The following THOC2 variants were observed in gnomAD, a reference collection of about 807,000 sequenced individuals.
THOC2 encodes the protein THO complex 2.
Under a neutral mutation model 128.4 loss-of-function variants are expected in THOC2, and 10 were observed. The ratio of observed to expected loss-of-function variants is 0.08; its 90% CI spans 0.05 to 0.13. THOC2 has a LOEUF of 0.13. THOC2 is among the 10% of genes least tolerant of loss of function. THOC2 has a pLI of 1.00. For synonymous variants in THOC2, 393 were observed against 396.9 expected, an observed-to-expected ratio of 0.99 and a Z score of 0.12; for missense variants, 535 against 1,155.7, an observed-to-expected ratio of 0.46 and a Z score of 7.79.
intron 33 of THOC2, among the ~76,000 whole-genome samples, chrX:123,618,087 C>T (rs1217776450): frequency 9.0e-6 from 1 of 111,165 alleles, no homozygotes; most frequent in Non-Finnish European, 1.9e-5. Context: ...TTTGTAACTC[C>T]TACTAGGTAT....
intron 8 of THOC2, among the ~76,000 whole-genome samples, chrX:123,681,377 G>C (rs185868290): frequency 1.8e-5 from 2 of 110,142 alleles, no homozygotes; most frequent in African/African-American, 6.6e-5. Flanking sequence ...AAGGTGGTGG[G>C]GGGGTGGGGG....
In THOC2 at chrX:123,613,436, G is replaced by A; in HGVS notation, c.4640C>T (p.Ser1547Phe). The change falls in exon 36 of 39, where the codon TCT becomes TTT. Residue 1547 changes from serine to phenylalanine, a missense_variant. Physicochemically the swap from Ser to Phe is radical, Grantham distance 155. Coordinates refer to ENST00000245838, the MANE Select transcript of THOC2 (RefSeq NM_001081550.2). ...GGAGGAGATTTTATCCATCTTCTCA[G>A]ATTTAAATGAATCACTGCCTTTTTC... ...GKEKGSDSFK[S>F]EKMDKISSGG... is the part of the protein sequence containing the mutation. 1 of 1,208,918 alleles carries A rather than the reference G, an allele frequency of 8.3e-7. No homozygotes were observed. The highest frequency in any genetic ancestry group is 1.1e-6 in the Non-Finnish European group (1 of 893,924).
At chrX:123,631,470 G>A (rs984876706) in intron 22 of THOC2, among the ~76,000 whole-genome samples, 10 of 111,953 alleles carry the variant, frequency 8.9e-5, no homozygotes, top group African/African-American at 3.2e-4. Context: ...ACTAACAGCA[G>A]ATGTTTGATT....
At chrX:123,630,128 G>GT (rs1477279658) in intron 22 of THOC2, among the ~76,000 whole-genome samples, 2 of 111,842 alleles carry the variant, frequency 1.8e-5, no homozygotes, top group Admixed American at 9.4e-5. Context: ...GCTATACTTC[G>GT]TATTTACCCA....
chrX:123,727,748 A>G (rs999565704), intron 1 of THOC2, among the ~76,000 whole-genome samples: 2 of 112,074 alleles, frequency 1.8e-5, no homozygotes, highest in African/African-American at 6.5e-5. Flanking sequence ...ACCACCTTAC[A>G]TGCCACCACG....
At chrX:123,629,409 T>A (rs1189622569) in intron 22 of THOC2, among the ~76,000 whole-genome samples, 1 of 110,440 alleles carries the variant, frequency 9.1e-6, no homozygotes, top group Non-Finnish European at 1.9e-5. Context: ...CGTTAGAAAA[T>A]CACTTAAATC....
chrX:123,696,912 T>C, intron 5 of THOC2, 70 bp from the exon 6 acceptor site: 3 of 803,971 alleles, frequency 3.7e-6, no homozygotes, highest in Non-Finnish European at 5.0e-6. Context: ...ATATTCAAAC[T>C]AAAGCTTCCT....
chrX:123,718,483 G>T (rs1386072157), intron 1 of THOC2, among the ~76,000 whole-genome samples: 1 of 111,570 alleles, frequency 9.0e-6, no homozygotes, highest in African/African-American at 3.3e-5. Flanking sequence ...CAGGAGGCCG[G>T]GTGCAGTGGC....
At chrX:123,622,689 T>A (rs1257270809) in intron 30 of THOC2, 69 bp downstream of exon 30, 1 of 837,720 alleles carries the variant, frequency 1.2e-6, no homozygotes, top group African/African-American at 2.1e-5. Context: ...CAACCCCGTC[T>A]CAAAAAAATA....
intron 12 of THOC2, among the ~76,000 whole-genome samples, chrX:123,657,960 CGTGTGTGTGTGTGT>C (rs60969537): frequency 1.2e-3 from 111 of 94,811 alleles, no homozygotes; most frequent in East Asian, 4.8e-3. Flanking sequence ...TACGCATATG[CGTGTGTGTGTGTGT>C]GTGTGTGTGT....
intron 18 of THOC2, among the ~76,000 whole-genome samples, chrX:123,637,107 A>C (rs1357340129): frequency 9.0e-6 from 1 of 111,629 alleles, no homozygotes. Flanking sequence ...TGGAAAGTAC[A>C]AGAAGTTCAG....
Position 123,627,703 on chromosome X carries a change from T to C in THOC2, c.2747A>G (p.Asn916Ser), listed in dbSNP as rs2047317261. Reference protein sequence around the residue: ...LKVQMKAIDDNQEMPPNKKKK... With the variant: ...LKVQMKAIDDSQEMPPNKKKK... ...AGAACAAAAACCTACCATTTCCTGA[T>C]TGTCATCAATTGCTTTCATCTGGAC... Residue 916 changes from asparagine to serine, a missense_variant, in exon 23 of 39, where the codon AAT (asparagine) becomes AGT (serine). By Grantham distance (46) the Asn-to-Ser change is conservative. This residue lies in a region of THOC2 where 90 missense variants were observed against 298.6 expected (regional missense o/e 0.30). Transcript: ENST00000245838. 1.7e-6 allele frequency: 2 copies of C among 1,211,197 alleles called. No homozygotes were observed. The highest frequency in any genetic ancestry group is 1.7e-5 in the African/African-American group (1 of 57,844).
intron 22 of THOC2, 94 bp downstream of exon 22, chrX:123,631,594 C>T (rs2047487102): frequency 1.0e-6 from 1 of 966,662 alleles, no homozygotes; most frequent in Admixed American, 2.8e-5. Context: ...CCAAGACCTT[C>T]CCCCAAAATC....
At chrX:123,638,298 C>G (rs2047753216) in intron 17 of THOC2, among the ~76,000 whole-genome samples, 175 bp from the exon 18 acceptor site, 1 of 111,955 alleles carries the variant, frequency 8.9e-6, no homozygotes, top group Admixed American at 9.5e-5. Context: ...ACTGTAGTAC[C>G]AACATTTCTT....
intron 38 of THOC2, among the ~76,000 whole-genome samples, chrX:123,609,243 T>C (rs191829081): frequency 3.6e-5 from 4 of 112,161 alleles, no homozygotes; most frequent in East Asian, 2.8e-4. Flanking sequence ...CCAGAGAAGA[T>C]AGTTGTAAGG....
At chrX:123,607,280 T>G (rs1262649813) in intron 38 of THOC2, among the ~76,000 whole-genome samples, 1 of 110,084 alleles carries the variant, frequency 9.1e-6, no homozygotes, top group Non-Finnish European at 1.9e-5. Flanking sequence ...TACTGTTATC[T>G]TCTTAATTCT....
In THOC2 at chrX:123,633,044, C is replaced by T. The variant is rs2047544242; in HGVS notation, c.2137-4G>A. 1 of 1,197,900 alleles carries T rather than the reference C, an allele frequency of 8.3e-7. No individual in the cohort carries two copies. The highest frequency in any genetic ancestry group is 1.1e-6 in the Non-Finnish European group (1 of 885,507). ...TGATCTGACCAAAATAACCACCCTG[C>T]ACAAGGGAAGACACAAATTTACCAG... On this transcript the variant is annotated splice_polypyrimidine_tract_variant and splice_region_variant and intron_variant, in intron 20 of 38. Transcript: ENST00000245838.
chrX:123,636,611 G>GA lies in THOC2; in HGVS notation c.1922-437dup, dbSNP rs201471774. On this transcript the variant is annotated intron_variant, in intron 18 of 38. Coordinates refer to ENST00000245838, the MANE Select transcript of THOC2 (RefSeq NM_001081550.2). ...ATGCCAGCCCCTGAATGTGAGTCAA[G>GA]AAAAAAAAAAATCTCTTTTTATCTT... Among the ~76,000 whole-genome samples, 125 of 105,328 alleles carry GA rather than the reference G, an allele frequency of 1.2e-3. 2 individuals are homozygous for GA. The highest frequency in any genetic ancestry group is 9.5e-3 in the Admixed American group (93 of 9,823). 91.5% of individuals were successfully genotyped at this position (105,328 alleles called of 115,157 possible).
intron 12 of THOC2, among the ~76,000 whole-genome samples, chrX:123,650,285 C>CT (rs2048303259): frequency 8.9e-6 from 1 of 111,856 alleles, no homozygotes; most frequent in Admixed American, 9.5e-5. Flanking sequence ...CCAGGCCTGC[C>CT]TTACATGAGC....
Sources: allele counts gnomAD v4.1 joint callset (sites outside exome capture counted in the v4.1 genomes callset), GRCh38; gene constraint gnomAD v4.1.1; regional missense constraint gnomAD v4.1.1; transcripts MANE v1.5; gene names NCBI Gene and HGNC (gene_info 2026-07-23, HGNC 2026-07-21).